The following SLC35F5 variants were observed in gnomAD, a reference collection of about 807,000 sequenced individuals.
SLC35F5 encodes the protein HCV NS5A-transactivated protein 3.
Under a neutral mutation model 68.6 loss-of-function variants are expected in SLC35F5, and 54 were observed. The ratio of observed to expected loss-of-function variants is 0.79; its 90% confidence interval spans 0.63 to 0.99. The LOEUF (loss-of-function observed/expected upper bound fraction) is 0.99, where lower values mean the gene tolerates loss of function less well. SLC35F5 is among the 50% of genes least tolerant of loss of function. The probability of loss-of-function intolerance (pLI) is 0.00; values close to 1 mark genes in which losing one functional copy is unlikely to be tolerated. For synonymous variants in SLC35F5, 211 were observed against 205.2 expected, an observed-to-expected ratio of 1.03 and a Z score of -0.24; for missense variants, 567 against 626.9, an observed-to-expected ratio of 0.90 and a Z score of 1.02.
chr2:113,706,292 G>A (rs931472846), downstream of SLC35F5, among the ~76,000 whole-genome samples: 1 of 152,138 alleles, frequency 6.6e-6, no homozygotes, highest in Admixed American at 6.5e-5. Flanking sequence ...CAAAGCGAGA[G>A]TATTTCTTTC....
rs186232171 is a variant in SLC35F5, at chr2:113,740,534, T to C, written c.750+2158A>G. 3.4e-4 allele frequency among the ~76,000 whole-genome samples: 52 copies of C among 152,316 alleles called. No homozygotes were observed. In the East Asian group the frequency reaches 9.6e-3, roughly 28 times the overall value. On this transcript the variant is annotated intron_variant, in intron 7 of 15. Coordinates refer to ENST00000245680, the MANE Select transcript of SLC35F5 (RefSeq NM_025181.5). ...TTGAAATTACAATATACATAAAATA[T>C]ACCATTTGGATCATTTTTAAGTGTA...
chr2:113,751,830 C>T (rs1676755867), intron 3 of SLC35F5, among the ~76,000 whole-genome samples: 2 of 125,204 alleles, frequency 1.6e-5, no homozygotes, highest in South Asian at 4.9e-4. Context: ...GAAACAATGG[C>T]TCCTATAATA....
At position 113,710,777 on chromosome 2, in the gene SLC35F5, A is replaced by G. The variant is rs1215231895; in HGVS notation, c.*4441T>C. Among the ~76,000 whole-genome samples, 1 of 152,108 alleles carries G rather than the reference A, an allele frequency of 6.6e-6. No homozygotes were observed. Among genetic ancestry groups the G allele is most frequent in the Non-Finnish European group, 1.5e-5 (1 of 68,024 alleles). ...AGAGTGAGACCCCATCTCAAAAAAA[A>G]AAAAAGAATTTCATCTCATGTCAAA... On this transcript the variant is annotated 3_prime_UTR_variant, in exon 16 of 16. Transcript: ENST00000245680.
In SLC35F5 at chr2:113,753,918, AAAG is replaced by A. The variant is rs1409307860; in HGVS notation, c.273+1244_273+1246del. ...GGTAGAAGTACAAAATGTTCATCTA[AAAG>A]AAGGTTAGAGAAGAGTTTTAAAGCA... On this transcript the variant is annotated intron_variant, in intron 3 of 15. Transcript: ENST00000245680. Among the ~76,000 whole-genome samples, 5 of 152,180 alleles carry A rather than the reference AAAG, an allele frequency of 3.3e-5. No homozygotes were observed. The South Asian group carries it at 8.3e-4, about 25-fold the overall frequency.
chr2:113,715,046 A>G lies in SLC35F5; in HGVS notation c.*172T>C, dbSNP rs1687127384. On this transcript the variant is annotated 3_prime_UTR_variant, in exon 16 of 16. Coordinates refer to ENST00000245680, the MANE Select transcript of SLC35F5 (RefSeq NM_025181.5). The stretch of plus-strand genomic sequence containing the variant: ...ACACAGCTACATAGCAAAGTGCTTC[A>G]TTATGAAAATGAAGAAAACAGGTAT... The G allele has an allele frequency of 6.6e-6, 1 of 152,656 alleles. No individual in the cohort carries two copies. The highest frequency in any genetic ancestry group is 1.5e-5 in the Non-Finnish European group (1 of 68,024). The allele number at this position is 152,656 out of a possible 1,614,324, so 9.5% of individuals were successfully genotyped here.
At chr2:113,746,601 A>G (rs1676494377) in intron 4 of SLC35F5, among the ~76,000 whole-genome samples, 1 of 152,148 alleles carries the variant, frequency 6.6e-6, no homozygotes, top group Non-Finnish European at 1.5e-5. Context: ...TCTAAAACCA[A>G]AGCTTATGCC....
At chr2:113,724,942 A>G in intron 12 of SLC35F5, among the ~76,000 whole-genome samples, 1 of 152,168 alleles carries the variant, frequency 6.6e-6, no homozygotes, top group South Asian at 2.1e-4. Context: ...ATAAAACAAA[A>G]ACACCTATGA....
intron 10 of SLC35F5, among the ~76,000 whole-genome samples, chr2:113,730,870 AG>A (rs1429452275): frequency 3.9e-5 from 6 of 152,256 alleles, no homozygotes; most frequent in African/African-American, 1.4e-4. Flanking sequence ...TGACAGCAAC[AG>A]GAAATTTGTA....
rs1677003682 is a variant in SLC35F5 at position 113,756,573 on chromosome 2, C to T, written c.-164G>A. 1.4e-6 allele frequency: 2 copies of T among 1,439,416 alleles called. No individual in the cohort carries two copies. The highest frequency in any genetic ancestry group is 2.9e-5 in the African/African-American group (2 of 68,694). The allele number at this position is 1,439,416 out of a possible 1,614,324, so 89.2% of individuals were successfully genotyped here. A position where few individuals can be genotyped will look rare whatever the true frequency, so the allele number is the denominator to read the frequency against. ...CGACACCACCCAACTCCACTCGGCCCAGGAGGGCGTGGAGCGGGTGAGGGG... is the reference window on the plus strand; with the variant it reads ...CGACACCACCCAACTCCACTCGGCCTAGGAGGGCGTGGAGCGGGTGAGGGG... On this transcript the variant is annotated 5_prime_UTR_variant, in exon 1 of 16. Transcript: ENST00000245680.
chr2:113,720,070 C>A (rs1687366919), intron 13 of SLC35F5, among the ~76,000 whole-genome samples: 1 of 150,250 alleles, frequency 6.7e-6, no homozygotes, highest in South Asian at 2.1e-4. Flanking sequence ...ATAAGAAAAA[C>A]AAATATATAA....
downstream of SLC35F5, among the ~76,000 whole-genome samples, chr2:113,704,766 CT>C (rs1686766548): frequency 6.6e-6 from 1 of 152,096 alleles, no homozygotes; most frequent in Admixed American, 6.5e-5. Flanking sequence ...CGCGCAGCCC[CT>C]GTTCCCGCCC....
rs1258753524 is a variant in SLC35F5, at chr2:113,714,360, A to G, written c.*858T>C. On this transcript the variant is annotated 3_prime_UTR_variant, in exon 16 of 16. Coordinates refer to ENST00000245680, the MANE Select transcript of SLC35F5 (RefSeq NM_025181.5). Reference sequence around the variant, plus strand: ...ACATCTACAATACACAAATAGACGTATAAACATTGTATTTTAATAATACTC... The same window carrying G: ...ACATCTACAATACACAAATAGACGTGTAAACATTGTATTTTAATAATACTC... 1 of 152,162 alleles carries G rather than the reference A, an allele frequency of 6.6e-6. No homozygotes were observed. Among genetic ancestry groups the G allele is most frequent in the African/African-American group, 2.4e-5 (1 of 41,470 alleles). The allele number at this position is 152,162 out of a possible 1,614,324, so 9.4% of individuals were successfully genotyped here.
rs1559318283 is a variant in SLC35F5 at position 113,718,921 on chromosome 2, GAAAGAAA to G, written c.1496+226_1496+232del. On this transcript the variant is annotated intron_variant, in intron 14 of 15. Coordinates refer to ENST00000245680, the MANE Select transcript of SLC35F5 (RefSeq NM_025181.5). ...AGAAAGAAAGAAAGAAAGAAAGAAA[GAAAGAAA>G]AAGAAAGGAAGAAAGGAAGGAAGGA... 4.9e-3 allele frequency among the ~76,000 whole-genome samples: 331 copies of G among 67,848 alleles called. 5 individuals are homozygous for G. Among genetic ancestry groups the G allele is most frequent in the African/African-American group, 0.014 (303 of 21,362 alleles). 44.5% of individuals were successfully genotyped at this position (67,848 alleles called of 152,430 possible).
intron 15 of SLC35F5, among the ~76,000 whole-genome samples, chr2:113,716,161 G>A (rs1687172004): frequency 6.6e-6 from 1 of 152,116 alleles, no homozygotes; most frequent in Non-Finnish European, 1.5e-5. Flanking sequence ...GCCAACTCTT[G>A]GTTAGCAATG....
At position 113,714,554 on chromosome 2, in the gene SLC35F5, T is replaced by C. The variant is rs1027950219; in HGVS notation, c.*664A>G. On this transcript the variant is annotated 3_prime_UTR_variant, in exon 16 of 16. Coordinates refer to ENST00000245680, the MANE Select transcript of SLC35F5 (RefSeq NM_025181.5). Reference sequence around the variant, plus strand: ...ATAATAATACTTCCCCTTTAAAAATTTGCCATGGTTTGTCACAGATTTAAA... The same window carrying C: ...ATAATAATACTTCCCCTTTAAAAATCTGCCATGGTTTGTCACAGATTTAAA... 1 of 152,108 alleles carries C rather than the reference T, an allele frequency of 6.6e-6. No individual in the cohort carries two copies. Among genetic ancestry groups the C allele is most frequent in the Non-Finnish European group, 1.5e-5 (1 of 67,962 alleles). 9.4% of individuals were successfully genotyped at this position (152,108 alleles called of 1,614,324 possible).
chr2:113,717,856 G>GAA lies in SLC35F5; in HGVS notation c.1497-8_1497-7dup, dbSNP rs763892077. The GAA allele has an allele frequency of 2.4e-5, 34 of 1,432,748 alleles. No individual in the cohort carries two copies. Among genetic ancestry groups the GAA allele is most frequent in the East Asian group, 2.6e-5 (1 of 38,904 alleles). 88.8% of individuals were successfully genotyped at this position (1,432,748 alleles called of 1,614,324 possible). A position where few individuals can be genotyped will look rare whatever the true frequency, so the allele number is the denominator to read the frequency against. On this transcript the variant is annotated splice_polypyrimidine_tract_variant and splice_region_variant and intron_variant, in intron 14 of 15. Transcript: ENST00000245680. ...GTTCGCTGTCTTCTGGAACTCTTAA[G>GAA]AAAAAAAAAAGCAGTAATTAAGGAA...
At position 113,747,655 on chromosome 2, in the gene SLC35F5, A is replaced by G. The variant is rs559355674; in HGVS notation, c.418-1316T>C. ...ATCATTGTTCACCTGTCCAGTTGGC[A>G]AATGATGGGATGTTGGTAAGGGTTC... On this transcript the variant is annotated intron_variant, in intron 4 of 15. Transcript: ENST00000245680. 2.1e-3 allele frequency among the ~76,000 whole-genome samples: 314 copies of G among 152,366 alleles called. 3 individuals carry two copies. The highest frequency in any genetic ancestry group is 7.2e-3 in the African/African-American group (299 of 41,592).
At chr2:113,753,469 G>A (rs1379890877) in intron 3 of SLC35F5, among the ~76,000 whole-genome samples, 3 of 151,990 alleles carry the variant, frequency 2.0e-5, no homozygotes, top group Non-Finnish European at 4.4e-5. Context: ...GAGCCACTGC[G>A]CCTGGCCCTA....
At chr2:113,753,168 C>CGTTTTTTTTTTTTTTTTTTTTT (rs1676821873) in intron 3 of SLC35F5, among the ~76,000 whole-genome samples, 1 of 49,090 alleles carries the variant, frequency 2.0e-5, no homozygotes, top group Non-Finnish European at 3.5e-5. Flanking sequence ...GTTTGTTTTT[C>CGTTTTTTTTTTTTTTTTTTTTT]TTTTTTTTTT....
Sources: allele counts gnomAD v4.1 joint callset (sites outside exome capture counted in the v4.1 genomes callset), GRCh38; gene constraint gnomAD v4.1.1; transcripts MANE v1.5; gene names NCBI Gene and HGNC (gene_info 2026-07-23, HGNC 2026-07-21).